The following RAI1 variants were observed in gnomAD, a reference collection of about 807,000 sequenced individuals.
The protein encoded by RAI1 is retinoic acid-induced protein 1.
RAI1 carries 9 observed loss-of-function variants against 123.8 expected under a neutral mutation model. The observed-to-expected ratio is 0.07, with a 90% confidence interval of 0.04 to 0.13. The LOEUF is 0.13. Ranked by LOEUF, RAI1 falls within the 10% of genes least tolerant of loss-of-function variation. The pLI, the probability that RAI1 is intolerant of heterozygous loss-of-function variation, is 1.00. For missense variants in RAI1, 2,256 were observed against 2,545.8 expected, an observed-to-expected ratio of 0.89 and a Z score of 2.45; for synonymous variants, 1,231 against 1,127.3, an observed-to-expected ratio of 1.09 and a Z score of -1.84.
rs540495673 is a variant in RAI1, at chr17:17,799,755, G to A, written c.5565+1242G>A. 3.3e-5 allele frequency among the ~76,000 whole-genome samples: 5 copies of A among 152,162 alleles called. No homozygotes were observed. The highest frequency in any genetic ancestry group is 1.9e-4 in the East Asian group (1 of 5,184). ...GTGACCCAGCACAGTGGCCCCAGCC[G>A]GTGGCTTCGCCCCTCCCCCTGCCCA... is the stretch of plus-strand genomic sequence containing the variant. On this transcript the variant is annotated intron_variant, in intron 3 of 5. Transcript: ENST00000353383. This position sits in a 1 kb window ranked among gnomAD's most constrained non-coding sequence, Gnocchi z 4.5.
chr17:17,704,447 G>T (rs1365025311), intron 1 of RAI1, among the ~76,000 whole-genome samples: 1 of 152,146 alleles, frequency 6.6e-6, no homozygotes, highest in Admixed American at 6.5e-5. Context: ...CATGTGGGGG[G>T]CTCTTTGTCT....
At chr17:17,698,323 C>A (rs1915102685) in intron 1 of RAI1, among the ~76,000 whole-genome samples, 1 of 152,182 alleles carries the variant, frequency 6.6e-6, no homozygotes, top group South Asian at 2.1e-4. Flanking sequence ...AGAGTTGAGT[C>A]CCACCAGTAC....
chr17:17,782,655 C>A (rs1299046422), intron 2 of RAI1, among the ~76,000 whole-genome samples: 1 of 131,908 alleles, frequency 7.6e-6, no homozygotes, highest in South Asian at 2.3e-4. Context: ...CAGTGGGGAC[C>A]GAAGCATTAG....
At chr17:17,703,064 T>C (rs541889735) in intron 1 of RAI1, among the ~76,000 whole-genome samples, 1 of 152,182 alleles carries the variant, frequency 6.6e-6, no homozygotes, top group East Asian at 1.9e-4. Context: ...GTGGACTGGA[T>C]GATTGGGGCA....
chr17:17,738,537 G>C (rs777321820), intron 2 of RAI1, among the ~76,000 whole-genome samples: 1 of 152,208 alleles, frequency 6.6e-6, no homozygotes, highest in Non-Finnish European at 1.5e-5. Context: ...GGGTGAAGGC[G>C]GGGGCAGAGG....
chr17:17,790,649 G>A (rs182073529), intron 2 of RAI1, among the ~76,000 whole-genome samples: 152 of 152,328 alleles, frequency 1.0e-3, no homozygotes, highest in African/African-American at 3.4e-3. Context: ...CCGTAGAAAT[G>A]TTAATGATAT....
At chr17:17,791,308 A>G (rs977742032) in intron 2 of RAI1, among the ~76,000 whole-genome samples, 1 of 152,146 alleles carries the variant, frequency 6.6e-6, no homozygotes, top group Non-Finnish European at 1.5e-5. Flanking sequence ...CCTTCCCTGC[A>G]TCCATCCCCA....
intron 2 of RAI1, among the ~76,000 whole-genome samples, chr17:17,781,960 G>A (rs947503508): frequency 6.6e-6 from 1 of 152,132 alleles, no homozygotes; most frequent in Admixed American, 6.5e-5. Flanking sequence ...CGGGCCGGCC[G>A]CCCCCTTTTT....
chr17:17,783,155 G>T (rs1307812185), intron 2 of RAI1, among the ~76,000 whole-genome samples: 1 of 152,184 alleles, frequency 6.6e-6, no homozygotes, highest in African/African-American at 2.4e-5. Flanking sequence ...CGAGTGCAGC[G>T]CCCCCTTCCT....
intron 1 of RAI1, among the ~76,000 whole-genome samples, chr17:17,709,235 G>A (rs564350093): frequency 6.6e-6 from 1 of 152,350 alleles, no homozygotes; most frequent in East Asian, 1.9e-4. Context: ...CTGTGAGGCT[G>A]AGAGTACCTA....
At chr17:17,763,416 T>C (rs1271551682) in intron 2 of RAI1, among the ~76,000 whole-genome samples, 1 of 152,160 alleles carries the variant, frequency 6.6e-6, no homozygotes, top group Non-Finnish European at 1.5e-5. Flanking sequence ...GAAATGACAA[T>C]TGACCACTGA....
intron 2 of RAI1, among the ~76,000 whole-genome samples, chr17:17,731,997 G>T (rs961731533): frequency 6.6e-6 from 1 of 151,902 alleles, no homozygotes; most frequent in Non-Finnish European, 1.5e-5. Flanking sequence ...TGGGGGAGGT[G>T]GTGGTGGGGG....
In RAI1 at chr17:17,730,249, C is replaced by T. The variant is rs114702520; in HGVS notation, c.-17+6090C>T. Among the ~76,000 whole-genome samples the T allele has an allele frequency of 9.4e-3, 1,439 of 152,340 alleles. 27 individuals carry two copies. The highest frequency in any genetic ancestry group is 0.032 in the African/African-American group (1,340 of 41,568). On this transcript the variant is annotated intron_variant, in intron 2 of 5. Transcript: ENST00000353383. ...CCCTTCCCAGGGCCTGAAATGCTTC[C>T]GTTAGTCACTGCCGAGGTCAGAGCA...
intron 3 of RAI1, 21 bp from the exon 4 acceptor site, chr17:17,803,735 C>T (rs199633787): frequency 6.2e-7 from 1 of 1,607,710 alleles, no homozygotes; most frequent in Non-Finnish European, 8.5e-7. Context: ...GACTCACCTG[C>T]CTTTCCTTTC....
In RAI1 at chr17:17,685,654, C is replaced by G. The variant is rs1238600579; in HGVS notation, c.-149+3861C>G. On this transcript the variant is annotated intron_variant, in intron 1 of 5. Coordinates refer to ENST00000353383, the MANE Select transcript of RAI1 (RefSeq NM_030665.4). This position sits in a 1 kb window ranked among gnomAD's most constrained non-coding sequence, Gnocchi z 4.0. ...CTCCCTGCCTCCATCCTGTCCCCTCCCAGGTGCTGGCCAGCAGCACTGTCA... is the reference window on the plus strand; with the variant it reads ...CTCCCTGCCTCCATCCTGTCCCCTCGCAGGTGCTGGCCAGCAGCACTGTCA... 2.0e-5 allele frequency among the ~76,000 whole-genome samples: 3 copies of G among 152,182 alleles called. No homozygotes were observed. The highest frequency in any genetic ancestry group is 6.5e-5 in the Admixed American group (1 of 15,286).
intron 2 of RAI1, among the ~76,000 whole-genome samples, chr17:17,739,006 C>T (rs1916528985): frequency 6.6e-6 from 1 of 152,172 alleles, no homozygotes; most frequent in Non-Finnish European, 1.5e-5. Flanking sequence ...TTCCTGGCAA[C>T]CAGGAAATTT....
rs1007532847 is a variant in RAI1 at position 17,756,590 on chromosome 17, G to A, written c.-17+32431G>A. The stretch of plus-strand genomic sequence containing the variant: ...ACCTTTACCTCCCTTACGTATAAAG[G>A]TAGATGCAGTCAAGTAAAGTGTGCT... On this transcript the variant is annotated intron_variant, in intron 2 of 5. Transcript: ENST00000353383. Among the ~76,000 whole-genome samples the A allele has an allele frequency of 5.3e-5, 8 of 152,226 alleles. No homozygotes were observed. In the South Asian group the frequency reaches 1.7e-3, roughly 32 times the overall value.
chr17:17,784,173 C>T (rs1567904140), intron 2 of RAI1, among the ~76,000 whole-genome samples: 1 of 152,178 alleles, frequency 6.6e-6, no homozygotes, highest in Non-Finnish European at 1.5e-5. Context: ...GCTTCCTCCC[C>T]TGGGGACTGG....
chr17:17,700,502 A>C (rs1915183477), intron 1 of RAI1, among the ~76,000 whole-genome samples: 1 of 152,056 alleles, frequency 6.6e-6, no homozygotes, highest in African/African-American at 2.4e-5. Context: ...GCCCCATTAA[A>C]GCTTAATGGC....
Sources: allele counts gnomAD v4.1 joint callset (sites outside exome capture counted in the v4.1 genomes callset), GRCh38; gene constraint gnomAD v4.1.1; non-coding constraint Gnocchi (gnomAD v3.1); transcripts MANE v1.5; gene names NCBI Gene and HGNC (gene_info 2026-07-23, HGNC 2026-07-21).